ADK: variants seen among roughly 807,000 people sequenced by gnomAD.
ADK encodes the protein N6,N6-dimethyladenosine kinase.
In ADK, 24 loss-of-function variants were observed where a neutral mutation model predicts 44.7. That is an observed-to-expected ratio of 0.54 (90% confidence interval 0.39 to 0.76). ADK has a LOEUF of 0.76. Ranked by LOEUF, ADK falls within the 30% of genes least tolerant of loss-of-function variation. The pLI is 0.00. For synonymous variants in ADK, 128 were observed against 142.6 expected, an observed-to-expected ratio of 0.90 and a Z score of 0.73; for missense variants, 321 against 425.1, an observed-to-expected ratio of 0.76 and a Z score of 2.15.
At position 74,242,457 on chromosome 10, in the gene ADK, A is replaced by G. The variant is rs184145098; in HGVS notation, c.194+17866A>G. Among the ~76,000 whole-genome samples the G allele has an allele frequency of 2.6e-4, 39 of 152,322 alleles. No homozygotes were observed. In the East Asian group the frequency reaches 6.5e-3, roughly 26 times the overall value. ...TAACCAACAGTTATTGGAAAAATAT[A>G]TTTTAGTGTGTTATTTTAGATAATT... On this transcript the variant is annotated intron_variant, in intron 3 of 10. Transcript: ENST00000539909.
chr10:74,532,100 G>A (rs1459398223), intron 7 of ADK, among the ~76,000 whole-genome samples: 1 of 152,118 alleles, frequency 6.6e-6, no homozygotes, highest in Non-Finnish European at 1.5e-5. Flanking sequence ...AATTGGTTTA[G>A]CATTTTGAAA....
chr10:74,203,210 T>G (rs901186226), intron 2 of ADK, among the ~76,000 whole-genome samples: 1 of 152,230 alleles, frequency 6.6e-6, no homozygotes, highest in African/African-American at 2.4e-5. Context: ...GAGACTATTC[T>G]TTTCCCCACT....
intron 7 of ADK, among the ~76,000 whole-genome samples, chr10:74,586,949 T>TA (rs1344206290): frequency 1.3e-5 from 2 of 152,110 alleles, no homozygotes; most frequent in East Asian, 3.9e-4. Flanking sequence ...TTTTTACAGT[T>TA]AATTTCTTAT....
At chr10:74,576,355 G>GA (rs1478015185) in intron 7 of ADK, among the ~76,000 whole-genome samples, 1 of 151,966 alleles carries the variant, frequency 6.6e-6, no homozygotes, top group Non-Finnish European at 1.5e-5. Context: ...AGTGCATGGG[G>GA]AAAATTGACA....
intron 9 of ADK, among the ~76,000 whole-genome samples, chr10:74,623,718 G>T (rs1853081542): frequency 6.7e-6 from 1 of 149,074 alleles, no homozygotes; most frequent in African/African-American, 2.5e-5. Flanking sequence ...ATGTATTCTA[G>T]GCATATATAT....
At chr10:74,604,916 T>C (rs1852264642) in intron 9 of ADK, among the ~76,000 whole-genome samples, 1 of 152,212 alleles carries the variant, frequency 6.6e-6, no homozygotes. Context: ...TCCTCTCTTA[T>C]TTCCTTGAGC....
intron 2 of ADK, among the ~76,000 whole-genome samples, chr10:74,201,764 C>A (rs182480622): frequency 4.0e-5 from 6 of 151,644 alleles, no homozygotes; most frequent in African/African-American, 7.3e-5. Flanking sequence ...GTTTCAGATA[C>A]CCACTGGTCA....
chr10:74,386,070 G>C (rs1843130115), intron 4 of ADK, among the ~76,000 whole-genome samples: 2 of 152,102 alleles, frequency 1.3e-5, no homozygotes, highest in Admixed American at 6.5e-5. Context: ...TGTCTCACTT[G>C]GTGGTATTGT....
intron 6 of ADK, among the ~76,000 whole-genome samples, chr10:74,436,329 C>A (rs1426283659): frequency 6.6e-6 from 1 of 152,070 alleles, no homozygotes; most frequent in Non-Finnish European, 1.5e-5. Context: ...ATCGCTTGAA[C>A]CTGGGAGGCG....
At chr10:74,352,523 T>G (rs951924754) in intron 4 of ADK, among the ~76,000 whole-genome samples, 2 of 152,182 alleles carry the variant, frequency 1.3e-5, no homozygotes, top group Non-Finnish European at 2.9e-5. Context: ...GGCAAAGACT[T>G]CATGACTAAA....
At chr10:74,180,280 C>T (rs1396111448) in intron 1 of ADK, among the ~76,000 whole-genome samples, 1 of 150,144 alleles carries the variant, frequency 6.7e-6, no homozygotes, top group Non-Finnish European at 1.5e-5. Context: ...CTCTGTCGCC[C>T]AGGCTGGAGT....
At chr10:74,423,654 G>T in intron 6 of ADK, 1 of 402,558 alleles carries the variant, frequency 2.5e-6, no homozygotes, top group Non-Finnish European at 4.9e-6. Flanking sequence ...GGGCTTTCTT[G>T]CTGGCCAGGT....
At chr10:74,555,923 G>C (rs1850230845) in intron 7 of ADK, among the ~76,000 whole-genome samples, 1 of 152,138 alleles carries the variant, frequency 6.6e-6, no homozygotes, top group Admixed American at 6.5e-5. Flanking sequence ...CTACATCTGA[G>C]ACGCCATTCA....
intron 5 of ADK, among the ~76,000 whole-genome samples, chr10:74,395,282 CT>C (rs1461788527): frequency 6.6e-6 from 1 of 152,098 alleles, no homozygotes; most frequent in African/African-American, 2.4e-5. Flanking sequence ...CACGACCTTG[CT>C]CCATTTCTTC....
rs1166588209 is a variant in ADK at position 74,314,688 on chromosome 10, A to G, written c.216A>G (p.Lys72=). 2.5e-6 allele frequency: 4 copies of G among 1,613,004 alleles called. No homozygotes were observed. Among genetic ancestry groups the G allele is most frequent in the Non-Finnish European group, 3.4e-6 (4 of 1,179,340 alleles). ...ATAGGTTTGATGAACTTGTGAAAAA[A>G]TTCAAAGTCGAATATCATGCTGGTG... The part of the protein sequence containing the change: ...HKELFDELVK[K]FKVEYHAGGS... The change falls in exon 4 of 11, where the codon AAA becomes AAG. Residue 72 remains lysine, a synonymous_variant. Coordinates refer to ENST00000539909, the MANE Select transcript of ADK (RefSeq NM_006721.4).
rs1285177065 is a variant in ADK, at chr10:74,574,185, T to TG, written c.727-15096dup. Among the ~76,000 whole-genome samples, 210 of 150,334 alleles carry TG rather than the reference T, an allele frequency of 1.4e-3. 3 individuals are homozygous for TG. In the East Asian group the frequency reaches 0.015, roughly 11 times the overall value. ...TTCTTTCTTTTTTTTTTTTTTTTTT[T>TG]GAGAAAGATTCTCACTCAGCCACCA... is the stretch of plus-strand genomic sequence containing the variant. On this transcript the variant is annotated intron_variant, in intron 7 of 10. Transcript: ENST00000539909.
chr10:74,494,572 T>G (rs903753309), intron 6 of ADK, among the ~76,000 whole-genome samples: 1 of 152,210 alleles, frequency 6.6e-6, no homozygotes, highest in Non-Finnish European at 1.5e-5. Context: ...ACATTTATTT[T>G]GTGCATAGTT....
Position 74,347,641 on chromosome 10 carries a change from C to T in ADK, c.273+32896C>T, listed in dbSNP as rs186354448. Among the ~76,000 whole-genome samples the T allele has an allele frequency of 4.2e-3, 637 of 152,194 alleles. 2 individuals carry two copies. The highest frequency in any genetic ancestry group is 0.014 in the African/African-American group (598 of 41,508). ...TCTTGCTTAGAGGGTCCCACTCCCA[C>T]GGAGCCCAGTAAGCTAAGAACCACT... On this transcript the variant is annotated intron_variant, in intron 4 of 10. Transcript: ENST00000539909.
intron 4 of ADK, among the ~76,000 whole-genome samples, chr10:74,323,624 G>A (rs1295163785): frequency 1.3e-5 from 2 of 150,104 alleles, no homozygotes; most frequent in Admixed American, 1.3e-4. Flanking sequence ...AGGCTGGAGT[G>A]CAGTGGCGCG....
Sources: allele counts gnomAD v4.1 joint callset (sites outside exome capture counted in the v4.1 genomes callset), GRCh38; gene constraint gnomAD v4.1.1; transcripts MANE v1.5; gene names NCBI Gene and HGNC (gene_info 2026-07-23, HGNC 2026-07-21).